Variants in TADA3 observed in about 807,000 individuals in gnomAD.
TADA3 encodes transcriptional adaptor 3.
Under a neutral mutation model 43.2 loss-of-function variants are expected in TADA3, and 25 were observed. That is an observed-to-expected ratio of 0.58 (90% CI 0.42 to 0.81). TADA3 has a LOEUF of 0.81. Ranked by LOEUF, TADA3 falls within the 30% of genes least tolerant of loss-of-function variation. The pLI is 0.00. For synonymous variants in TADA3, 235 were observed against 225.5 expected, an observed-to-expected ratio of 1.04 and a Z score of -0.38; for missense variants, 441 against 567.8, an observed-to-expected ratio of 0.78 and a Z score of 2.27.
intron 8 of TADA3, chr3:9,781,629 GAA>G (rs1437430209): frequency 2.2e-6 from 1 of 453,360 alleles, no homozygotes; most frequent in Non-Finnish European, 4.5e-6. Flanking sequence ...CAATCTCTCT[GAA>G]CAGGGTCTGA....
In TADA3 at chr3:9,786,938, T is replaced by TA. The variant is rs1468869041; in HGVS notation, c.810+67dup. 43 of 1,417,432 alleles carry TA rather than the reference T, an allele frequency of 3.0e-5. No individual in the cohort carries two copies. In the East Asian group the frequency reaches 3.4e-4, roughly 11 times the overall value. The allele number at this position is 1,417,432 out of a possible 1,614,324, so 87.8% of individuals were successfully genotyped here. On this transcript the variant is annotated intron_variant, in intron 6 of 8. Transcript: ENST00000301964. ...CTAATAAATGTATGATAAATTCCGA[T>TA]AAAAAATAAGCATAACACATTAAAA...
intron 2 of TADA3, among the ~76,000 whole-genome samples, chr3:9,790,186 G>C (rs2078700050): frequency 6.6e-6 from 1 of 151,986 alleles, no homozygotes; most frequent in Non-Finnish European, 1.5e-5. Context: ...TCATTCACTT[G>C]TTCATCTATA....
In TADA3 at chr3:9,780,606, TC is replaced by T. The variant is rs1261410872; in HGVS notation, c.1107-58del. On this transcript the variant is annotated intron_variant, in intron 8 of 8. Coordinates refer to ENST00000301964, the MANE Select transcript of TADA3 (RefSeq NM_006354.5). Reference sequence around the variant, plus strand: ...CAGCCCACCTCCAGAGAACAACCCCTCCCTCTTCAAGACCGAGCCTACCCAC... The same window carrying T: ...CAGCCCACCTCCAGAGAACAACCCCTCCTCTTCAAGACCGAGCCTACCCAC... The T allele has an allele frequency of 2.6e-6, 4 of 1,526,032 alleles. No individual in the cohort carries two copies. The East Asian group carries it at 7.1e-5, about 27-fold the overall frequency. 94.5% of individuals were successfully genotyped at this position (1,526,032 alleles called of 1,614,324 possible). A position where few individuals can be genotyped will look rare whatever the true frequency, so the allele number is the denominator to read the frequency against.
rs749937041 is a variant in TADA3 at position 9,789,539 on chromosome 3, C to A, written c.534G>T (p.Lys178Asn). ...EEVRTLEELL[K>N]PPEDEAEHYK... ...AATGCTCAGCCTCATCTTCTGGGGG[C>A]TTCAGTAACTCCTCAAGTGTGCGGA... Residue 178 changes from lysine to asparagine, a missense_variant, in exon 4 of 9, where the codon AAG becomes AAT. By Grantham distance (94) the Lys-to-Asn change is moderately conservative (BLOSUM62 0). Transcript: ENST00000301964. 20 of 1,614,062 alleles carry A rather than the reference C, an allele frequency of 1.2e-5. No homozygotes were observed. The highest frequency in any genetic ancestry group is 1.5e-5 in the Non-Finnish European group (18 of 1,180,022).
At chr3:9,790,774 G>A (rs545035590) in intron 2 of TADA3, among the ~76,000 whole-genome samples, 1 of 152,316 alleles carries the variant, frequency 6.6e-6, no homozygotes, top group African/African-American at 2.4e-5. Flanking sequence ...TTTGCAGATA[G>A]GGAAACTGAC....
At chr3:9,787,550 C>T (rs2078644979) in intron 4 of TADA3, 1 of 958,918 alleles carries the variant, frequency 1.0e-6, no homozygotes, top group Non-Finnish European at 1.5e-6. Context: ...CTAAGACACA[C>T]ACACAGAAGC....
chr3:9,789,418 A>T (rs977580675), intron 4 of TADA3, 91 bp downstream of exon 4: 2 of 1,201,570 alleles, frequency 1.7e-6, no homozygotes, highest in Non-Finnish European at 2.4e-6. Flanking sequence ...TTGGGGAAGG[A>T]AGATGATGCA....
intron 4 of TADA3, chr3:9,788,209 C>A (rs1478232801): frequency 6.5e-6 from 1 of 155,036 alleles, no homozygotes; most frequent in Non-Finnish European, 1.4e-5. Flanking sequence ...TTTAATGGAG[C>A]ATGTTTTATT....
At position 9,787,289 on chromosome 3, in the gene TADA3, G is replaced by C; in HGVS notation, c.616C>G (p.Leu206Val). ...YSQRWAQEDL[L>V]EEQKDGARAA... ...CGGGCCCCATCCTTCTGCTCCTCCA[G>C]CAGGTCCTCCTGGGCCCAGCGCTGG... is the stretch of plus-strand genomic sequence containing the variant. Residue 206 changes from leucine to valine, a missense_variant, in exon 5 of 9, where the codon CTG becomes GTG. Coordinates refer to ENST00000301964, the MANE Select transcript of TADA3 (RefSeq NM_006354.5). The C allele has an allele frequency of 6.2e-7, 1 of 1,614,192 alleles. No homozygotes were observed. The highest frequency in any genetic ancestry group is 8.5e-7 in the Non-Finnish European group (1 of 1,180,026).
chr3:9,790,158 C>A (rs180856503), intron 2 of TADA3, among the ~76,000 whole-genome samples, 195 bp from the exon 3 acceptor site: 1 of 152,296 alleles, frequency 6.6e-6, no homozygotes, highest in Admixed American at 6.5e-5. Context: ...GAACTTTATT[C>A]ATATACTTCT....
chr3:9,787,794 G>A (rs1388284541), intron 4 of TADA3: 1 of 1,055,804 alleles, frequency 9.5e-7, no homozygotes, highest in Admixed American at 2.4e-5. Context: ...GCAGCACAAA[G>A]GAGAGACTGA....
In TADA3 at chr3:9,780,666, T is replaced by C. The variant is rs77279331; in HGVS notation, c.1107-117A>G. 38 of 1,101,236 alleles carry C rather than the reference T, an allele frequency of 3.5e-5. No individual in the cohort carries two copies. In the Admixed American group the frequency reaches 8.8e-4, roughly 26 times the overall value. The allele number at this position is 1,101,236 out of a possible 1,614,324, so 68.2% of individuals were successfully genotyped here. ...GCTGGCATGCCTGTGGATTGTGTCATACAGTCGTGACCAAAAAGCAGTTAC... is the reference window on the plus strand; with the variant it reads ...GCTGGCATGCCTGTGGATTGTGTCACACAGTCGTGACCAAAAAGCAGTTAC... On this transcript the variant is annotated intron_variant, in intron 8 of 8. Coordinates refer to ENST00000301964, the MANE Select transcript of TADA3 (RefSeq NM_006354.5).
chr3:9,784,216 G>A lies in TADA3; in HGVS notation c.921-3C>T. On this transcript the variant is annotated splice_polypyrimidine_tract_variant and splice_region_variant and intron_variant, in intron 7 of 8. Coordinates refer to ENST00000301964, the MANE Select transcript of TADA3 (RefSeq NM_006354.5). ...CCAGGGACTTAGTATGCGGCACACT[G>A]CAGCGGGAGGCAGGCCCGTCAGACT... 6.2e-7 allele frequency: 1 copy of A among 1,600,568 alleles called. No individual in the cohort carries two copies. The highest frequency in any genetic ancestry group is 1.3e-5 in the African/African-American group (1 of 74,772).
At chr3:9,782,788 C>T (rs1575294822) in intron 8 of TADA3, among the ~76,000 whole-genome samples, 1 of 82,690 alleles carries the variant, frequency 1.2e-5, no homozygotes, top group South Asian at 4.4e-4. Context: ...GAGACACCGT[C>T]TCAAAAAAAA....
At chr3:9,781,255 G>A (rs561900022) in intron 8 of TADA3, among the ~76,000 whole-genome samples, 1 of 151,888 alleles carries the variant, frequency 6.6e-6, no homozygotes, top group Non-Finnish European at 1.5e-5. Flanking sequence ...GACCAACCTC[G>A]GCAACAGAGT....
chr3:9,792,691 C>A (rs1438628903), upstream of TADA3: 5 of 1,233,196 alleles, frequency 4.1e-6, no homozygotes, highest in Non-Finnish European at 5.1e-6. Flanking sequence ...CCCCGCCGAG[C>A]GCCAGGAGCT....
At chr3:9,792,131 C>A (rs1194069571) in intron 1 of TADA3, 85 bp downstream of exon 1, 1 of 152,330 alleles carries the variant, frequency 6.6e-6, no homozygotes, top group African/African-American at 2.4e-5. Context: ...GTTTTTCCAT[C>A]TGTAAAATGG....
upstream of TADA3, chr3:9,792,533 A>G: frequency 1.6e-6 from 2 of 1,220,604 alleles, no homozygotes; most frequent in Non-Finnish European, 2.0e-6. Flanking sequence ...GGGCGAGCCT[A>G]CTGGAGTTTG....
chr3:9,781,344 C>G (rs752769813), intron 8 of TADA3, among the ~76,000 whole-genome samples: 1 of 152,080 alleles, frequency 6.6e-6, no homozygotes, highest in East Asian at 1.9e-4. Context: ...CACTCTCTCT[C>G]TCTGTCTTTC....
Sources: gnomAD v4.1 joint callset for allele counts (sites outside exome capture counted in the v4.1 genomes callset) on GRCh38, gnomAD v4.1.1 for gene constraint, MANE v1.5 for transcripts, NCBI Gene and HGNC (gene_info 2026-07-23, HGNC 2026-07-21) for gene names.